EFHD1: variants seen among roughly 807,000 people sequenced by gnomAD.
The protein encoded by EFHD1 is EF-hand domain-containing protein D1.
EFHD1 carries 10 observed loss-of-function variants against 17.2 expected under a neutral mutation model. That is an observed-to-expected ratio of 0.58 (90% CI 0.36 to 0.99). EFHD1 has a LOEUF of 0.99. Ranked by LOEUF, EFHD1 falls within the 50% of genes least tolerant of loss-of-function variation. EFHD1 has a pLI of 0.01. For missense variants in EFHD1, 310 were observed against 327.5 expected, an observed-to-expected ratio of 0.95 and a Z score of 0.41; for synonymous variants, 153 against 142.0, an observed-to-expected ratio of 1.08 and a Z score of -0.55.
Position 232,662,863 on chromosome 2 carries a change from C to A in EFHD1, c.364C>A (p.Leu122Met). The change falls in exon 2 of 4, where the codon CTG becomes ATG. Residue 122 changes from leucine (L) to methionine (M), a missense_variant. By Grantham distance (15) the Leu-to-Met change is conservative. Coordinates refer to ENST00000264059, the MANE Select transcript of EFHD1 (RefSeq NM_025202.4). ...LMELKLMMEK[L>M]GAPQTHLGLK... ...GGAGCTGAAGCTGATGATGGAGAAG[C>A]TGGGGGCCCCCCAGACCCACCTGGG... is the stretch of plus-strand genomic sequence containing the variant. 1.3e-6 allele frequency: 2 copies of A among 1,592,032 alleles called. No individual in the cohort carries two copies. The highest frequency in any genetic ancestry group is 1.7e-6 in the Non-Finnish European group (2 of 1,170,768).
intron 1 of EFHD1, among the ~76,000 whole-genome samples, chr2:232,659,054 A>G (rs1031477209): frequency 6.6e-6 from 1 of 151,940 alleles, no homozygotes; most frequent in African/African-American, 2.4e-5. Context: ...GGGCTGGTGC[A>G]TCTGTGATTC....
chr2:232,660,452 G>T (rs1163778038), intron 1 of EFHD1, among the ~76,000 whole-genome samples: 1 of 151,710 alleles, frequency 6.6e-6, no homozygotes, highest in African/African-American at 2.4e-5. Context: ...CACCCGCCTT[G>T]GCCTCCCAAA....
intron 3 of EFHD1, among the ~76,000 whole-genome samples, chr2:232,681,024 CG>C (rs1435197485): frequency 3.9e-5 from 6 of 152,024 alleles, no homozygotes; most frequent in African/African-American, 1.4e-4. Flanking sequence ...GGCATGGTGG[CG>C]TGCACCTGTA....
rs747099559 is a variant in EFHD1, at chr2:232,682,031, G to A, written c.*312G>A. 1.9e-4 allele frequency: 54 copies of A among 286,666 alleles called. No individual in the cohort carries two copies. Among genetic ancestry groups the A allele is most frequent in the Middle Eastern group, 2.0e-3 (2 of 1,006 alleles). 17.8% of individuals were successfully genotyped at this position (286,666 alleles called of 1,614,324 possible). A position where few individuals can be genotyped will look rare whatever the true frequency, so the allele number is the denominator to read the frequency against. On this transcript the variant is annotated 3_prime_UTR_variant, in exon 4 of 4. Coordinates refer to ENST00000264059, the MANE Select transcript of EFHD1 (RefSeq NM_025202.4). The stretch of plus-strand genomic sequence containing the variant: ...TCCCTTTACCATTCCCCATCAAAGA[G>A]TAGTCTGCTATATCAATTTGTGTAG...
At chr2:232,647,527 G>A (rs1004759318) in intron 1 of EFHD1, among the ~76,000 whole-genome samples, 5 of 152,194 alleles carry the variant, frequency 3.3e-5, no homozygotes, top group Non-Finnish European at 5.9e-5. Flanking sequence ...ACCCTGTGTT[G>A]TTTGGGAACA....
At chr2:232,670,159 A>G (rs1695041545) in intron 2 of EFHD1, among the ~76,000 whole-genome samples, 1 of 152,156 alleles carries the variant, frequency 6.6e-6, no homozygotes, top group Non-Finnish European at 1.5e-5. Flanking sequence ...ATTGCCATTT[A>G]AGTTTGGCCA....
intron 3 of EFHD1, 58 bp from the exon 4 acceptor site, chr2:232,681,527 C>T: frequency 6.3e-7 from 1 of 1,582,340 alleles, no homozygotes; most frequent in Non-Finnish European, 8.6e-7. Context: ...GTGTCAGCAG[C>T]TCCAGGGTCC....
chr2:232,633,813 AAGCCCG>A lies in EFHD1; in HGVS notation c.120_125del (p.Glu41_Pro42del). The A allele has an allele frequency of 1.4e-6, 2 of 1,471,888 alleles. No individual in the cohort carries two copies. Among genetic ancestry groups the A allele is most frequent in the Non-Finnish European group, 1.8e-6 (2 of 1,120,892 alleles). 91.2% of individuals were successfully genotyped at this position (1,471,888 alleles called of 1,614,324 possible). ...CCTCGGCGCCCCAGCCCCGGAGCCC[AAGCCCG>A]AGCCCGAGCCTCCCGCCCGTGCGCC... is the stretch of plus-strand genomic sequence containing the variant. On this transcript the variant is annotated inframe_deletion, in exon 1 of 4. Coordinates refer to ENST00000264059, the MANE Select transcript of EFHD1 (RefSeq NM_025202.4).
rs546746901 is a variant in EFHD1 at position 232,620,305 on chromosome 2, G to A, written c.14+14132G>A. On this transcript the variant is annotated intron_variant, in intron 1 of 3. Transcript: ENST00000409613. The stretch of plus-strand genomic sequence containing the variant: ...CGGGAGGCTGAGGCAGGAGAATGGC[G>A]TGAACCCGGGAGGTGGAGGTTGCAG... 6.0e-4 allele frequency among the ~76,000 whole-genome samples: 90 copies of A among 151,188 alleles called. 1 individual carries two copies. Among genetic ancestry groups the A allele is most frequent in the Admixed American group, 1.1e-3 (17 of 15,162 alleles).
At chr2:232,652,972 A>T (rs1287634220) in intron 1 of EFHD1, among the ~76,000 whole-genome samples, 1 of 151,708 alleles carries the variant, frequency 6.6e-6, no homozygotes, top group Non-Finnish European at 1.5e-5. Flanking sequence ...TCTTTTTATT[A>T]TACTTTTTGT....
intron 1 of EFHD1, among the ~76,000 whole-genome samples, chr2:232,616,391 C>T (rs750780090): frequency 2.6e-5 from 4 of 152,126 alleles, no homozygotes; most frequent in Admixed American, 2.6e-4. Flanking sequence ...CTCCGCCTCC[C>T]GGGTTCAAGC....
intron 1 of EFHD1, among the ~76,000 whole-genome samples, chr2:232,660,805 C>T (rs1694851982): frequency 6.6e-6 from 1 of 151,956 alleles, no homozygotes; most frequent in Admixed American, 6.6e-5. Context: ...TGGTGAAACC[C>T]CGTCTCTACT....
upstream of EFHD1, among the ~76,000 whole-genome samples, chr2:232,631,675 G>A (rs1207970811): frequency 3.0e-5 from 4 of 132,740 alleles, no homozygotes; most frequent in East Asian, 7.3e-4. Context: ...AGGAGAGCTC[G>A]ATGGAATAAG....
At chr2:232,622,330 A>G (rs1201125530) in intron 1 of EFHD1, among the ~76,000 whole-genome samples, 3 of 152,324 alleles carry the variant, frequency 2.0e-5, no homozygotes, top group Admixed American at 1.3e-4. Context: ...TTAGCCAGGC[A>G]TGGTGGCGGA....
intron 1 of EFHD1, among the ~76,000 whole-genome samples, chr2:232,646,498 A>T (rs1694531923): frequency 8.1e-6 from 1 of 123,926 alleles, no homozygotes. Flanking sequence ...AGGCTGGAGT[A>T]CAGTGGCATG....
intron 1 of EFHD1, among the ~76,000 whole-genome samples, chr2:232,638,652 G>A (rs937463727): frequency 4.6e-5 from 7 of 152,190 alleles, no homozygotes; most frequent in Non-Finnish European, 1.0e-4. Flanking sequence ...TACTGGGGAG[G>A]TGGAGGTGAG....
intron 2 of EFHD1, among the ~76,000 whole-genome samples, chr2:232,668,783 A>G (rs1695013280): frequency 6.6e-6 from 1 of 151,906 alleles, no homozygotes; most frequent in Admixed American, 6.6e-5. Context: ...ACAGTTGTGT[A>G]CCACCATGCC....
At position 232,634,037 on chromosome 2, in the gene EFHD1, G is replaced by A. The variant is rs372683144; in HGVS notation, c.302+31G>A. On this transcript the variant is annotated intron_variant, in intron 1 of 3. Transcript: ENST00000264059. Reference sequence around the variant, plus strand: ...CTCCCGCTGCGCGCCCTTCGCCCCCGGGACCAGGGAGGGAGCGGGAGGGCT... The same window carrying A: ...CTCCCGCTGCGCGCCCTTCGCCCCCAGGACCAGGGAGGGAGCGGGAGGGCT... 66 of 1,595,214 alleles carry A rather than the reference G, an allele frequency of 4.1e-5. No homozygotes were observed. The Middle Eastern group carries it at 1.0e-3, about 25-fold the overall frequency.
At chr2:232,668,304 C>T (rs1482165788) in intron 2 of EFHD1, among the ~76,000 whole-genome samples, 4 of 152,226 alleles carry the variant, frequency 2.6e-5, no homozygotes, top group African/African-American at 9.6e-5. Flanking sequence ...TGAGTTTTTT[C>T]CCTTCTTTAA....
Sources: allele counts gnomAD v4.1 joint callset (sites outside exome capture counted in the v4.1 genomes callset), GRCh38; gene constraint gnomAD v4.1.1; transcripts MANE v1.5; gene names NCBI Gene and HGNC (gene_info 2026-07-23, HGNC 2026-07-21).